Variants in KYAT1 observed in about 807,000 individuals in gnomAD.
The protein encoded by KYAT1 is kynurenine aminotransferase 1.
In KYAT1, 47 loss-of-function variants were observed where a neutral mutation model predicts 52.4. That is an observed-to-expected ratio of 0.90 (90% CI 0.71 to 1.14). The LOEUF is 1.14. Ranked by LOEUF, KYAT1 falls within the 50% of genes most tolerant of loss-of-function variation. The pLI is 0.00. For synonymous variants in KYAT1, 212 were observed against 209.6 expected (o/e 1.01, Z -0.10); for missense variants, 480 against 557.9 (o/e 0.86, Z 1.41).
chr9:128,862,663 A>G (rs60833511), intron 1 of KYAT1, among the ~76,000 whole-genome samples: 8,436 of 152,258 alleles, frequency 0.055, 278 homozygotes, highest in African/African-American at 0.096. Context: ...GGGGGTCAAG[A>G]AGCTGGGTGG....
At chr9:128,849,970 G>A (rs1360155123) in intron 1 of KYAT1, among the ~76,000 whole-genome samples, 1 of 141,964 alleles carries the variant, frequency 7.0e-6, no homozygotes, top group African/African-American at 2.6e-5. Flanking sequence ...CTGCAGCCTC[G>A]ACTTCCTGGG....
At chr9:128,864,298 G>A (rs898394656) in intron 1 of KYAT1, among the ~76,000 whole-genome samples, 9 of 138,402 alleles carry the variant, frequency 6.5e-5, no homozygotes, top group East Asian at 2.2e-4. Flanking sequence ...CCCGGGAGGC[G>A]AAGATTGTAG....
At chr9:128,836,519 A>C (rs1330411091) in intron 7 of KYAT1, among the ~76,000 whole-genome samples, 1 of 151,920 alleles carries the variant, frequency 6.6e-6, no homozygotes, top group Admixed American at 6.6e-5. Flanking sequence ...GGCTGGTCTC[A>C]AACTCCTGAC....
chr9:128,845,045 G>C (rs77943380), intron 2 of KYAT1, among the ~76,000 whole-genome samples: 7,095 of 152,188 alleles, frequency 0.047, 179 homozygotes, highest in Middle Eastern at 0.085. Flanking sequence ...GGGTAGAATG[G>C]CTTTGGACAG....
At chr9:128,876,427 T>C (rs1187955905) in intron 1 of KYAT1, among the ~76,000 whole-genome samples, 1 of 148,166 alleles carries the variant, frequency 6.7e-6, no homozygotes, top group African/African-American at 2.5e-5. Flanking sequence ...TTTTTTTTTT[T>C]CTGTTTTTGA....
Position 128,871,125 on chromosome 9 carries a change from T to C in KYAT1, c.-7+10772A>G, listed in dbSNP as rs370625974. ...TGAGCTCAGGAGTTCGAGATCAGCC[T>C]GGGCAACATGGTGAAATCCCATCTC... On this transcript the variant is annotated intron_variant, in intron 1 of 12. Coordinates refer to ENST00000302586, the MANE Select transcript of KYAT1 (RefSeq NM_004059.5). Among the ~76,000 whole-genome samples the C allele has an allele frequency of 2.0e-4, 31 of 152,172 alleles. No homozygotes were observed. The East Asian group carries it at 5.2e-3, about 26-fold the overall frequency.
intron 1 of KYAT1, among the ~76,000 whole-genome samples, chr9:128,879,309 CAA>C (rs879755616): frequency 2.4e-5 from 3 of 126,512 alleles, no homozygotes; most frequent in African/African-American, 2.9e-5. Context: ...GACTCCGTCT[CAA>C]AAAAAAAAAA....
At chr9:128,839,861 G>A (rs1266349257) in intron 3 of KYAT1, among the ~76,000 whole-genome samples, 2 of 152,022 alleles carry the variant, frequency 1.3e-5, no homozygotes, top group African/African-American at 2.4e-5. Context: ...AGAACAGCCT[G>A]GGCAACACAG....
intron 1 of KYAT1, 36 bp from the exon 2 acceptor site, chr9:128,845,447 C>T: frequency 6.2e-7 from 1 of 1,607,020 alleles, no homozygotes; most frequent in Non-Finnish European, 8.5e-7. Flanking sequence ...GAGATGGAAT[C>T]TGTCTGGGTG....
chr9:128,860,482 C>T (rs1364056302), intron 1 of KYAT1: 1 of 152,048 alleles, frequency 6.6e-6, no homozygotes, highest in African/African-American at 2.4e-5. Context: ...CTTTCTGCCT[C>T]TCCAGTTTGG....
intron 1 of KYAT1, among the ~76,000 whole-genome samples, chr9:128,853,911 T>C (rs991495486): frequency 6.6e-6 from 1 of 152,242 alleles, no homozygotes; most frequent in Non-Finnish European, 1.5e-5. Flanking sequence ...ACATGTACCT[T>C]CATTTGGAAA....
intron 6 of KYAT1, 50 bp downstream of exon 6, chr9:128,837,635 G>T: frequency 6.2e-7 from 1 of 1,609,400 alleles, no homozygotes; most frequent in Non-Finnish European, 8.5e-7. Context: ...AACAGTGCAG[G>T]AGACATGACC....
chr9:128,862,359 A>G (rs1378319889), intron 1 of KYAT1, among the ~76,000 whole-genome samples: 4 of 152,166 alleles, frequency 2.6e-5, no homozygotes, highest in Non-Finnish European at 5.9e-5. Context: ...CTGTCCCAAT[A>G]CTTTTGTCAC....
chr9:128,876,622 T>C (rs1241869741), intron 1 of KYAT1, among the ~76,000 whole-genome samples: 2 of 148,706 alleles, frequency 1.3e-5, no homozygotes, highest in East Asian at 2.0e-4. Flanking sequence ...GGTTTCACCA[T>C]GTTAGCCAGG....
At chr9:128,875,948 C>T (rs1277977956) in intron 1 of KYAT1, among the ~76,000 whole-genome samples, 2 of 152,118 alleles carry the variant, frequency 1.3e-5, no homozygotes, top group Non-Finnish European at 2.9e-5. Context: ...GTCAATAACC[C>T]AGGGGCTGAT....
At chr9:128,867,964 G>A (rs2130760825) in intron 1 of KYAT1, among the ~76,000 whole-genome samples, 1 of 152,066 alleles carries the variant, frequency 6.6e-6, no homozygotes, top group East Asian at 1.9e-4. Context: ...TAGTAGAGAC[G>A]GGGTTTCACC....
At chr9:128,835,153 A>G (rs1830809016) in intron 11 of KYAT1, 170 bp downstream of exon 11, 1 of 654,306 alleles carries the variant, frequency 1.5e-6, no homozygotes, top group Non-Finnish European at 2.7e-6. Flanking sequence ...AAAAAAAAGA[A>G]AGAAAAAAAG....
chr9:128,844,812 C>T (rs1215876771), intron 2 of KYAT1, among the ~76,000 whole-genome samples: 7 of 152,094 alleles, frequency 4.6e-5, no homozygotes, highest in South Asian at 2.1e-4. Flanking sequence ...TGCAGTGAGC[C>T]GAGACCGCAC....
At chr9:128,868,181 ATT>A (rs36019409) in intron 1 of KYAT1, among the ~76,000 whole-genome samples, 1 of 142,568 alleles carries the variant, frequency 7.0e-6, no homozygotes, top group Non-Finnish European at 1.5e-5. Flanking sequence ...TGGCCCACTA[ATT>A]TTTTTTTTTT....
Sources: gnomAD v4.1 joint callset for allele counts (sites outside exome capture counted in the v4.1 genomes callset) on GRCh38, gnomAD v4.1.1 for gene constraint, MANE v1.5 for transcripts, NCBI Gene and HGNC (gene_info 2026-07-23, HGNC 2026-07-21) for gene names.